The following RAB3D variants were observed in gnomAD, a reference collection of about 807,000 sequenced individuals.
RAB3D encodes RAB3D, member RAS oncogene family.
RAB3D carries 17 observed loss-of-function variants against 19.3 expected under a neutral mutation model. The observed-to-expected ratio is 0.88, with a 90% confidence interval of 0.60 to 1.32. RAB3D has a LOEUF of 1.32. Among genes scored for constraint, RAB3D ranks in the 40% most tolerant of loss-of-function variants. The probability of loss-of-function intolerance (pLI) is 0.00; values close to 1 mark genes in which losing one functional copy is unlikely to be tolerated. For synonymous variants in RAB3D, 103 were observed against 119.9 expected, an observed-to-expected ratio of 0.86 and a Z score of 0.92; for missense variants, 223 against 299.1, an observed-to-expected ratio of 0.75 and a Z score of 1.88.
chr19:11,337,210 C>T lies in RAB3D; in HGVS notation c.190G>A (p.Val64Ile), dbSNP rs3969860. Residue 64 changes from valine to isoleucine, a missense_variant, in exon 2 of 5, where the codon GTC becomes ATC. Transcript: ENST00000222120. ...TVGIDFKVKTVYRHDKRIKLQ... is the reference protein window; with the variant it reads ...TVGIDFKVKTIYRHDKRIKLQ... The stretch of plus-strand genomic sequence containing the variant: ...TTGATCCTCTTGTCATGGCGGTAGA[C>T]GGTCTTGACCTTGAAATCGATGCCC... 0.035 allele frequency: 56,275 copies of T among 1,613,886 alleles called. 1,511 individuals are homozygous for T. The highest frequency in any genetic ancestry group is 0.13 in the African/African-American group (10,004 of 74,964).
At chr19:11,329,260 G>A (rs746493802) in intron 4 of RAB3D, among the ~76,000 whole-genome samples, 25 of 152,046 alleles carry the variant, frequency 1.6e-4, no homozygotes, top group Admixed American at 5.2e-4. Flanking sequence ...TTGGGGTTAG[G>A]TTTGTAGGGG....
intron 4 of RAB3D, among the ~76,000 whole-genome samples, chr19:11,328,367 G>T (rs2080823456): frequency 6.7e-6 from 1 of 149,188 alleles, no homozygotes; most frequent in Non-Finnish European, 1.5e-5. Flanking sequence ...GAAGGTTGGG[G>T]GGTGCCAGGC....
At chr19:11,332,519 AT>A (rs144051962) in intron 4 of RAB3D, among the ~76,000 whole-genome samples, 1 of 152,050 alleles carries the variant, frequency 6.6e-6, no homozygotes, top group South Asian at 2.1e-4. Flanking sequence ...TAATTTTTGC[AT>A]TTTTTTGTAG....
rs571876497 is a variant in RAB3D, at chr19:11,327,456, C to T, written c.473-1871G>A. On this transcript the variant is annotated intron_variant, in intron 4 of 4. Transcript: ENST00000222120. ...TCTTGTCGCCCAGGCTGGAGTGTAACGGCACGATCTCAGCCCACTGCAACC... is the reference window on the plus strand; with the variant it reads ...TCTTGTCGCCCAGGCTGGAGTGTAATGGCACGATCTCAGCCCACTGCAACC... Among the ~76,000 whole-genome samples, 4 of 152,246 alleles carry T rather than the reference C, an allele frequency of 2.6e-5. 1 individual carries two copies. In the South Asian group the frequency reaches 8.3e-4, roughly 32 times the overall value.
intron 4 of RAB3D, among the ~76,000 whole-genome samples, chr19:11,334,552 G>T (rs1404311803): frequency 6.6e-6 from 1 of 152,068 alleles, no homozygotes; most frequent in Non-Finnish European, 1.5e-5. Flanking sequence ...ACTTTGGGAG[G>T]CTGAGGAGGG....
intron 4 of RAB3D, among the ~76,000 whole-genome samples, chr19:11,327,501 C>T (rs543253069): frequency 1.3e-5 from 2 of 152,292 alleles, no homozygotes; most frequent in Admixed American, 6.5e-5. Flanking sequence ...CGAGTTCAAG[C>T]GATTCTCCTG....
At chr19:11,330,098 C>T (rs148963214) in intron 4 of RAB3D, among the ~76,000 whole-genome samples, 277 of 152,262 alleles carry the variant, frequency 1.8e-3, no homozygotes, top group Non-Finnish European at 3.4e-3. Flanking sequence ...CAGCCCATCG[C>T]GGGCGTTAAC....
rs1157641073 is a variant in RAB3D at position 11,322,818 on chromosome 19, T to C, written c.*2580A>G. ...AGTAAAATGCAGTCAAAGCTGTTTC[T>C]CATCACACAGGTGATTACAGGTTAG... On this transcript the variant is annotated 3_prime_UTR_variant, in exon 5 of 5. Coordinates refer to ENST00000222120, the MANE Select transcript of RAB3D (RefSeq NM_004283.4). 6.6e-6 allele frequency: 1 copy of C among 152,240 alleles called. No homozygotes were observed. The highest frequency in any genetic ancestry group is 1.5e-5 in the Non-Finnish European group (1 of 68,054). 9.4% of individuals were successfully genotyped at this position (152,240 alleles called of 1,614,324 possible). A position where few individuals can be genotyped will look rare whatever the true frequency, so the allele number is the denominator to read the frequency against.
At position 11,335,777 on chromosome 19, in the gene RAB3D, C is replaced by A. The variant is rs1243644539; in HGVS notation, c.235G>T (p.Ala79Ser). Residue 79 changes from alanine to serine, a missense_variant, in exon 3 of 5, where the codon GCG (alanine) becomes TCG (serine). Coordinates refer to ENST00000222120, the MANE Select transcript of RAB3D (RefSeq NM_004283.4). ...KRIKLQIWDT[A>S]GQERYRTITT... ...ATGGTGCGGTAGCGCTCCTGGCCCG[C>A]TGTGTCCTGGACAAATGGCAGTGGC... The A allele has an allele frequency of 6.2e-7, 1 of 1,613,994 alleles. No individual in the cohort carries two copies. Among genetic ancestry groups the A allele is most frequent in the African/African-American group, 1.3e-5 (1 of 74,932 alleles).
At chr19:11,339,285 A>G (rs1213350754) in intron 1 of RAB3D, among the ~76,000 whole-genome samples, 184 bp downstream of exon 1, 1 of 152,088 alleles carries the variant, frequency 6.6e-6, no homozygotes, top group African/African-American at 2.4e-5. Context: ...TGGACTCAGG[A>G]GTTTCCCCCA....
intron 4 of RAB3D, chr19:11,327,097 CATA>C (rs1353373476): frequency 1.2e-5 from 5 of 409,022 alleles, no homozygotes; most frequent in Non-Finnish European, 1.7e-5. Flanking sequence ...AAAATGGAAT[CATA>C]ATGAGTTAGC....
chr19:11,335,882 C>G, intron 2 of RAB3D, 99 bp from the exon 3 acceptor site: 1 of 1,106,282 alleles, frequency 9.0e-7, no homozygotes. Flanking sequence ...CCCAGCCTTA[C>G]GGGGGAGACA....
At chr19:11,338,952 C>T (rs1269206239) in intron 1 of RAB3D, among the ~76,000 whole-genome samples, 3 of 152,244 alleles carry the variant, frequency 2.0e-5, no homozygotes, top group East Asian at 1.9e-4. Flanking sequence ...TGGATGCAGG[C>T]GGGGCAGAGG....
intron 4 of RAB3D, among the ~76,000 whole-genome samples, 170 bp downstream of exon 4, chr19:11,335,277 T>A (rs1315908293): frequency 6.6e-6 from 1 of 151,918 alleles, no homozygotes; most frequent in Non-Finnish European, 1.5e-5. Context: ...GCAGTGGGAG[T>A]TCCTGCGCGT....
chr19:11,332,663 T>C (rs80256342), intron 4 of RAB3D, among the ~76,000 whole-genome samples: 1 of 152,216 alleles, frequency 6.6e-6, no homozygotes. Context: ...TCTTCCTTTT[T>C]TGAGACAGGG....
rs771088552 is a variant in RAB3D at position 11,335,702 on chromosome 19, T to C, written c.310A>G (p.Ile104Val). ...GAMGFLLMYD[I>V]ANQESFAAVQ... ...GCGGCAAAGGATTCCTGATTGGCGA[T>C]GTCATACATGAGCAGGAAGCCCATG... Residue 104 changes from isoleucine (I) to valine (V), a missense_variant, in exon 3 of 5, where the codon ATC becomes GTC. Coordinates refer to ENST00000222120, the MANE Select transcript of RAB3D (RefSeq NM_004283.4). 3 of 1,614,054 alleles carry C rather than the reference T, an allele frequency of 1.9e-6. No individual in the cohort carries two copies. The highest frequency in any genetic ancestry group is 1.3e-5 in the African/African-American group (1 of 74,916).
At position 11,335,745 on chromosome 19, in the gene RAB3D, C is replaced by T. The variant is rs757121602; in HGVS notation, c.267G>A (p.Thr89=). 8.1e-6 allele frequency: 13 copies of T among 1,614,066 alleles called. No homozygotes were observed. Among genetic ancestry groups the T allele is most frequent in the South Asian group, 5.5e-5 (5 of 91,086 alleles). The change falls in exon 3 of 5, where the codon ACG becomes ACA. Residue 89 remains threonine (T), a synonymous_variant. Transcript: ENST00000222120. ...AGQERYRTIT[T]AYYRGAMGFL... is the part of the protein sequence containing the mutation. ...AGCCCATGGCTCCCCGGTAGTAGGCCGTGGTGATGGTGCGGTAGCGCTCCT... is the reference window on the plus strand; with the variant it reads ...AGCCCATGGCTCCCCGGTAGTAGGCTGTGGTGATGGTGCGGTAGCGCTCCT...
chr19:11,328,364 G>A (rs1202345163), intron 4 of RAB3D, among the ~76,000 whole-genome samples: 1 of 143,470 alleles, frequency 7.0e-6, no homozygotes, highest in African/African-American at 2.7e-5. Context: ...GAAGAAGGTT[G>A]GGGGGTGCCA....
In RAB3D at chr19:11,326,711, C is replaced by A. The variant is rs1001079041; in HGVS notation, c.473-1126G>T. On this transcript the variant is annotated intron_variant, in intron 4 of 4. Coordinates refer to ENST00000222120, the MANE Select transcript of RAB3D (RefSeq NM_004283.4). ...CTCAACCTCCTGGGCTCAAGCGATC[C>A]TCCCGCCTTGGCCCCCTGAGTAGCT... 2.1e-4 allele frequency: 140 copies of A among 677,368 alleles called. 2 individuals are homozygous for A. The highest frequency in any genetic ancestry group is 2.7e-4 in the Non-Finnish European group (103 of 374,738). 42.0% of individuals were successfully genotyped at this position (677,368 alleles called of 1,614,324 possible). A position where few individuals can be genotyped will look rare whatever the true frequency, so the allele number is the denominator to read the frequency against.
Sources: gnomAD v4.1 joint callset for allele counts (sites outside exome capture counted in the v4.1 genomes callset) on GRCh38, gnomAD v4.1.1 for gene constraint, MANE v1.5 for transcripts, NCBI Gene and HGNC (gene_info 2026-07-23, HGNC 2026-07-21) for gene names.